Variants in LINGO2 observed in about 807,000 individuals in gnomAD.
The protein encoded by LINGO2 is leucine rich repeat and Ig domain containing 2.
Under a neutral mutation model 30.6 loss-of-function variants are expected in LINGO2, and 14 were observed. That is an observed-to-expected ratio of 0.46 (90% CI 0.30 to 0.72). The LOEUF (loss-of-function observed/expected upper bound fraction) is 0.72, where lower values mean the gene tolerates loss of function less well. Among genes scored for constraint, LINGO2 ranks in the 30% least tolerant of loss-of-function variants. The pLI is 0.07. For synonymous variants in LINGO2, 317 were observed against 288.5 expected (o/e 1.10, Z -1.00); for missense variants, 729 against 751.7 (o/e 0.97, Z 0.35).
chr9:28,176,211 A>G (rs1471311761), intron 4 of LINGO2, among the ~76,000 whole-genome samples: 1 of 152,150 alleles, frequency 6.6e-6, no homozygotes, highest in African/African-American at 2.4e-5. Context: ...ATTCTTTTAT[A>G]TTGATGCTCA....
chr9:28,915,764 C>T, the LINGO2 span, among the ~76,000 whole-genome samples: 1 of 151,956 alleles, frequency 6.6e-6, no homozygotes, highest in Non-Finnish European at 1.5e-5. Flanking sequence ...ACCAGATTTA[C>T]CAAGATAAAT....
upstream of LINGO2, among the ~76,000 whole-genome samples, chr9:28,671,718 C>G (rs547090151): frequency 6.6e-6 from 1 of 151,986 alleles, no homozygotes; most frequent in Non-Finnish European, 1.5e-5. Flanking sequence ...ATAACCCGTA[C>G]AAGAAGCCCA....
chr9:29,144,826 G>A, the LINGO2 span, among the ~76,000 whole-genome samples: 1 of 152,040 alleles, frequency 6.6e-6, no homozygotes, highest in Non-Finnish European at 1.5e-5. Flanking sequence ...ACTAAGAAGG[G>A]GAAATTAAAA....
At chr9:28,617,926 T>C (rs181223359) in intron 1 of LINGO2, among the ~76,000 whole-genome samples, 1 of 152,322 alleles carries the variant, frequency 6.6e-6, no homozygotes, top group East Asian at 1.9e-4. Flanking sequence ...ATGGTATAAA[T>C]ATACTCATTT....
At chr9:28,583,161 C>A (rs777583023) in intron 1 of LINGO2, among the ~76,000 whole-genome samples, 9 of 151,756 alleles carry the variant, frequency 5.9e-5, no homozygotes, top group Non-Finnish European at 1.0e-4. Context: ...CAACTAGTAC[C>A]AAAGAAAAGT....
the LINGO2 span, among the ~76,000 whole-genome samples, chr9:28,884,719 G>T: frequency 5.7e-5 from 8 of 141,114 alleles, no homozygotes; most frequent in African/African-American, 2.1e-4. Flanking sequence ...ATACAAATTT[G>T]TAATATATAA....
intron 4 of LINGO2, among the ~76,000 whole-genome samples, chr9:28,050,487 G>C (rs1824621654): frequency 6.6e-6 from 1 of 150,836 alleles, no homozygotes; most frequent in African/African-American, 2.5e-5. Flanking sequence ...AAACCACTGG[G>C]AAACAGTTCA....
At chr9:29,085,989 G>T in the LINGO2 span, among the ~76,000 whole-genome samples, 2 of 152,096 alleles carry the variant, frequency 1.3e-5, no homozygotes, top group Non-Finnish European at 2.9e-5. Context: ...ACAGAGGCTT[G>T]TACTTGCTTG....
the LINGO2 span, among the ~76,000 whole-genome samples, chr9:28,759,914 A>G: frequency 3.2e-4 from 48 of 152,158 alleles, no homozygotes; most frequent in Admixed American, 9.2e-4. Context: ...AAGAATGGCT[A>G]TTCAGTCCAA....
chr9:29,205,544 A>G, the LINGO2 span, among the ~76,000 whole-genome samples: 2 of 152,050 alleles, frequency 1.3e-5, no homozygotes, highest in Admixed American at 6.6e-5. Context: ...TTTTCTTATG[A>G]TAACTTTTAT....
intron 1 of LINGO2, among the ~76,000 whole-genome samples, chr9:28,578,121 G>C (rs971995464): frequency 2.0e-5 from 3 of 152,166 alleles, no homozygotes; most frequent in Non-Finnish European, 4.4e-5. Flanking sequence ...TTAATGGAAG[G>C]TAATGATGCA....
chr9:28,407,200 G>T (rs1005928561), intron 2 of LINGO2, among the ~76,000 whole-genome samples: 1 of 148,928 alleles, frequency 6.7e-6, no homozygotes, highest in Admixed American at 6.7e-5. Context: ...AGAAAAGAAA[G>T]AAAATAATTT....
the LINGO2 span, among the ~76,000 whole-genome samples, chr9:28,780,613 C>T: frequency 7.7e-4 from 117 of 152,160 alleles, 1 homozygote; most frequent in African/African-American, 2.7e-3. Context: ...CTTTCTTACC[C>T]TGATTTTATT....
intron 5 of LINGO2, among the ~76,000 whole-genome samples, chr9:28,007,047 A>C (rs1822301909): frequency 1.3e-5 from 2 of 152,152 alleles, no homozygotes; most frequent in Admixed American, 6.6e-5. Context: ...CTTGTGTTTC[A>C]CTAGTCTGTT....
the LINGO2 span, among the ~76,000 whole-genome samples, chr9:28,797,146 G>A: frequency 6.6e-6 from 1 of 151,182 alleles, no homozygotes; most frequent in African/African-American, 2.4e-5. Flanking sequence ...TTGAATAAAC[G>A]ATGAACTGCT....
the LINGO2 span, among the ~76,000 whole-genome samples, chr9:29,099,874 T>G: frequency 1.3e-5 from 2 of 152,124 alleles, no homozygotes; most frequent in Non-Finnish European, 2.9e-5. Flanking sequence ...TCAACCCCAC[T>G]GCTAGGTATA....
chr9:28,547,410 A>G (rs960706830), intron 1 of LINGO2, among the ~76,000 whole-genome samples: 1 of 152,170 alleles, frequency 6.6e-6, no homozygotes, highest in Non-Finnish European at 1.5e-5. Context: ...AAATTTCAAT[A>G]TCAAAATTCC....
At chr9:28,592,455 C>T (rs1362501499) in intron 1 of LINGO2, among the ~76,000 whole-genome samples, 2 of 152,058 alleles carry the variant, frequency 1.3e-5, no homozygotes, top group Non-Finnish European at 2.9e-5. Flanking sequence ...CAGTTTTTGG[C>T]TCTCTGTCTT....
chr9:28,210,954 T>A (rs985388099), intron 4 of LINGO2, among the ~76,000 whole-genome samples: 4 of 151,524 alleles, frequency 2.6e-5, no homozygotes, highest in African/African-American at 9.7e-5. Context: ...GTGGTACCAT[T>A]CTAAATGATG....
Sources: gnomAD v4.1 joint callset for allele counts (sites outside exome capture counted in the v4.1 genomes callset) on GRCh38, gnomAD v4.1.1 for gene constraint, MANE v1.5 for transcripts, NCBI Gene and HGNC (gene_info 2026-07-23, HGNC 2026-07-21) for gene names.